The following FHL5 variants were observed in gnomAD, a reference collection of about 807,000 sequenced individuals.
The protein encoded by FHL5 is four and a half LIM domains 5.
A neutral mutation model predicts 32.0 loss-of-function variants in FHL5; 33 were observed. The observed-to-expected ratio is 1.03, with a 90% CI of 0.78 to 1.38. The LOEUF (loss-of-function observed/expected upper bound fraction) is 1.38. Among genes scored for constraint, FHL5 ranks in the 40% most tolerant of loss-of-function variants. The pLI, the probability that FHL5 is intolerant of heterozygous loss-of-function variation, is 0.00. For synonymous variants in FHL5, 114 were observed against 113.6 expected (o/e 1.00, Z -0.02); for missense variants, 336 against 343.9 (o/e 0.98, Z 0.18).
At chr6:96,577,899 T>C (rs560567350) in intron 1 of FHL5, among the ~76,000 whole-genome samples, 71 of 152,042 alleles carry the variant, frequency 4.7e-4, no homozygotes, top group Middle Eastern at 3.4e-3. Flanking sequence ...GAAACCTGAA[T>C]TCTGGTTGAG....
At chr6:96,565,801 G>A (rs1283821099) in intron 1 of FHL5, among the ~76,000 whole-genome samples, 2 of 151,952 alleles carry the variant, frequency 1.3e-5, no homozygotes, top group Admixed American at 1.3e-4. Flanking sequence ...AACAATTTAA[G>A]TAACATGTCA....
intron 1 of FHL5, among the ~76,000 whole-genome samples, chr6:96,578,672 T>C (rs1770635946): frequency 1.3e-5 from 2 of 151,900 alleles, no homozygotes; most frequent in Non-Finnish European, 2.9e-5. Flanking sequence ...CGAAACCCCA[T>C]CTCTACAAAA....
chr6:96,612,570 G>C (rs1271205917), intron 5 of FHL5, among the ~76,000 whole-genome samples: 2 of 152,170 alleles, frequency 1.3e-5, no homozygotes, highest in African/African-American at 4.8e-5. Context: ...ACTGGGCCCA[G>C]CTTTTTAAAG....
chr6:96,582,934 T>A (rs958245329), intron 1 of FHL5, among the ~76,000 whole-genome samples: 1 of 152,174 alleles, frequency 6.6e-6, no homozygotes, highest in Admixed American at 6.6e-5. Context: ...TACAACTGAC[T>A]TACCCATGAC....
chr6:96,605,892 T>G lies in FHL5; in HGVS notation c.335-10T>G. 6.2e-7 allele frequency: 1 copy of G among 1,612,414 alleles called. No homozygotes were observed. The highest frequency in any genetic ancestry group is 8.5e-7 in the Non-Finnish European group (1 of 1,179,140). On this transcript the variant is annotated splice_polypyrimidine_tract_variant and intron_variant, in intron 3 of 5. Coordinates refer to ENST00000450218, the MANE Select transcript of FHL5 (RefSeq NM_001322466.2). ...ACTTATACTAACATGGCCTTACTTT[T>G]GGAGTACAGGTTCCCGCAAAATGGA...
intron 1 of FHL5, among the ~76,000 whole-genome samples, chr6:96,601,789 A>C (rs1771154412): frequency 6.6e-6 from 1 of 152,216 alleles, no homozygotes; most frequent in Non-Finnish European, 1.5e-5. Context: ...GATCGCTGTA[A>C]ATGTGAATAC....
At chr6:96,585,137 T>C (rs889322677) in intron 1 of FHL5, among the ~76,000 whole-genome samples, 6 of 152,330 alleles carry the variant, frequency 3.9e-5, no homozygotes, top group Admixed American at 2.0e-4. Context: ...TAATTGTAGA[T>C]TAAACCTAGA....
In FHL5 at chr6:96,604,760, A is replaced by G. The variant is rs1771233460; in HGVS notation, c.170A>G (p.Tyr57Cys). 1 of 1,607,230 alleles carries G rather than the reference A, an allele frequency of 6.2e-7. No homozygotes were observed. The highest frequency in any genetic ancestry group is 8.5e-7 in the Non-Finnish European group (1 of 1,177,568). Residue 57 changes from tyrosine (Y) to cysteine (C), a missense_variant, in exon 3 of 6, where the codon TAC becomes TGC. Transcript: ENST00000450218. Reference protein sequence around the residue: ...PIESDSKDLCYKDRHWHEGCF... With the variant: ...PIESDSKDLCCKDRHWHEGCF... ...TTTACTGTCTCAAAGGATCTTTGTT[A>G]CAAAGACCGGCACTGGCATGAAGGA...
rs1046620003 is a variant in FHL5 at position 96,618,183 on chromosome 6, A to G, written c.*2411A>G. Among the ~76,000 whole-genome samples the G allele has an allele frequency of 6.6e-6, 1 of 152,268 alleles. No individual in the cohort carries two copies. The highest frequency in any genetic ancestry group is 1.5e-5 in the Non-Finnish European group (1 of 68,052). Reference sequence around the variant, plus strand: ...AATGTAAAAATTATATAGTTGATTTATATGGTTTATGTAACAAAGAGAAAA... The same window carrying G: ...AATGTAAAAATTATATAGTTGATTTGTATGGTTTATGTAACAAAGAGAAAA... On this transcript the variant is annotated 3_prime_UTR_variant, in exon 6 of 6. Coordinates refer to ENST00000450218, the MANE Select transcript of FHL5 (RefSeq NM_001322466.2).
intron 1 of FHL5, among the ~76,000 whole-genome samples, chr6:96,571,020 G>A (rs765558702): frequency 3.3e-5 from 5 of 151,996 alleles, no homozygotes; most frequent in East Asian, 1.9e-4. Context: ...TCTGTTACTA[G>A]AGAGTTATTA....
rs1452976949 is a variant in FHL5 at position 96,618,372 on chromosome 6, G to A, written c.*2600G>A. Among the ~76,000 whole-genome samples, 22 of 152,194 alleles carry A rather than the reference G, an allele frequency of 1.4e-4. No individual in the cohort carries two copies. The highest frequency in any genetic ancestry group is 3.1e-4 in the Non-Finnish European group (21 of 68,038). On this transcript the variant is annotated 3_prime_UTR_variant, in exon 6 of 6. Coordinates refer to ENST00000450218, the MANE Select transcript of FHL5 (RefSeq NM_001322466.2). ...TGGAAGTAGCAGAGACTGCCGAAGAGCAGGAGAAAATAAGATTGCTAAAAG... is the reference window on the plus strand; with the variant it reads ...TGGAAGTAGCAGAGACTGCCGAAGAACAGGAGAAAATAAGATTGCTAAAAG...
chr6:96,582,955 T>G (rs374106609), intron 1 of FHL5, among the ~76,000 whole-genome samples: 6 of 152,318 alleles, frequency 3.9e-5, no homozygotes, highest in East Asian at 1.9e-4. Flanking sequence ...TTTTCCATTC[T>G]TACATCTCAC....
intron 1 of FHL5, among the ~76,000 whole-genome samples, chr6:96,581,851 G>A (rs1029927630): frequency 2.6e-5 from 4 of 152,166 alleles, no homozygotes; most frequent in African/African-American, 9.7e-5. Context: ...TTTCCAAGGA[G>A]CATGAAGAGG....
At position 96,617,059 on chromosome 6, in the gene FHL5, G is replaced by A. The variant is rs964250554; in HGVS notation, c.*1287G>A. ...GTTTATTGATCACACAGGAAGTAAA[G>A]AGCCTTAGTGAGAAGTCCATCACCA... is the stretch of plus-strand genomic sequence containing the variant. On this transcript the variant is annotated 3_prime_UTR_variant, in exon 6 of 6. Coordinates refer to ENST00000450218, the MANE Select transcript of FHL5 (RefSeq NM_001322466.2). Among the ~76,000 whole-genome samples, 3 of 152,142 alleles carry A rather than the reference G, an allele frequency of 2.0e-5. No individual in the cohort carries two copies. The highest frequency in any genetic ancestry group is 4.4e-5 in the Non-Finnish European group (3 of 68,026).
Position 96,601,768 on chromosome 6 carries a change from GACAA to G in FHL5, c.-12-1830_-12-1827del, listed in dbSNP as rs924217519. 7.2e-4 allele frequency among the ~76,000 whole-genome samples: 110 copies of G among 152,266 alleles called. 1 individual carries two copies. Among genetic ancestry groups the G allele is most frequent in the African/African-American group, 2.6e-3 (109 of 41,570 alleles). On this transcript the variant is annotated intron_variant, in intron 1 of 5. Coordinates refer to ENST00000450218, the MANE Select transcript of FHL5 (RefSeq NM_001322466.2). Reference sequence around the variant, plus strand: ...GGTACATATTTTATTTCTATAAAGTGACAAACACTTGATCGCTGTAAATGTGAAT... The same window carrying G: ...GGTACATATTTTATTTCTATAAAGTGACACTTGATCGCTGTAAATGTGAAT...
intron 1 of FHL5, among the ~76,000 whole-genome samples, chr6:96,589,778 T>C (rs1475807032): frequency 2.6e-5 from 4 of 152,040 alleles, no homozygotes; most frequent in Non-Finnish European, 5.9e-5. Context: ...TTCTCTTATA[T>C]TCTCAAAGGA....
intron 1 of FHL5, among the ~76,000 whole-genome samples, chr6:96,591,941 C>T (rs567212643): frequency 5.3e-5 from 8 of 151,988 alleles, no homozygotes; most frequent in East Asian, 3.9e-4. Context: ...AGGGAGTGTA[C>T]GAATAGGGTG....
intron 3 of FHL5, 38 bp downstream of exon 3, chr6:96,604,962 T>C: frequency 6.7e-7 from 1 of 1,496,548 alleles, no homozygotes; most frequent in Non-Finnish European, 9.0e-7. Flanking sequence ...TAACTGAAGC[T>C]GTGATGCTTT....
chr6:96,601,230 A>C (rs1379118868), intron 1 of FHL5, among the ~76,000 whole-genome samples: 1 of 152,206 alleles, frequency 6.6e-6, no homozygotes, highest in Non-Finnish European at 1.5e-5. Flanking sequence ...GCTACTCAGG[A>C]GGCTGAGGCA....
Sources: gnomAD v4.1 joint callset for allele counts (sites outside exome capture counted in the v4.1 genomes callset) on GRCh38, gnomAD v4.1.1 for gene constraint, MANE v1.5 for transcripts, NCBI Gene and HGNC (gene_info 2026-07-23, HGNC 2026-07-21) for gene names.